Variants in MELK observed in about 807,000 individuals in gnomAD.
The protein encoded by MELK is pEg3 kinase.
In MELK, 81 loss-of-function variants were observed where a neutral mutation model predicts 85.0. That is an observed-to-expected ratio of 0.95 (90% CI 0.80 to 1.15). The LOEUF is 1.15. Ranked by LOEUF, MELK falls within the 50% of genes most tolerant of loss-of-function variation. The pLI is 0.00. For missense variants in MELK, 754 were observed against 777.5 expected, an observed-to-expected ratio of 0.97 and a Z score of 0.36; for synonymous variants, 252 against 265.0, an observed-to-expected ratio of 0.95 and a Z score of 0.48.
chr9:36,672,705 C>T (rs1832992307), intron 16 of MELK, among the ~76,000 whole-genome samples: 1 of 152,110 alleles, frequency 6.6e-6, no homozygotes, highest in Non-Finnish European at 1.5e-5. Flanking sequence ...CCCTGGCAAC[C>T]TCACACGGCT....
chr9:36,669,200 A>G, intron 14 of MELK, 110 bp from the exon 15 acceptor site: 1 of 583,272 alleles, frequency 1.7e-6, no homozygotes, highest in South Asian at 3.9e-5. Context: ...AAGTGATTAT[A>G]CTGTTTCTGA....
chr9:36,673,326 A>G (rs1833057547), intron 16 of MELK, among the ~76,000 whole-genome samples: 2 of 152,204 alleles, frequency 1.3e-5, no homozygotes, highest in African/African-American at 4.8e-5. Flanking sequence ...TGGGTGCACT[A>G]TTATTTATCT....
chr9:36,651,810 C>G lies in MELK; in HGVS notation c.986C>G (p.Pro329Arg). ...CTAGCCAAGAAGGCTCGGGGAAAAC[C>G]AGTTCGTTTAAGGCTTTCTTCTTTC... ...LLLAKKARGKPVRLRLSSFSC... is the reference protein window; with the variant it reads ...LLLAKKARGKRVRLRLSSFSC... Residue 329 changes from proline to arginine, a missense_variant, in exon 12 of 18, where the codon CCA becomes CGA. By Grantham distance (103) the Pro-to-Arg change is moderately radical (BLOSUM62 -2). Coordinates refer to ENST00000298048, the MANE Select transcript of MELK (RefSeq NM_014791.4). 6.2e-7 allele frequency: 1 copy of G among 1,614,012 alleles called. No individual in the cohort carries two copies. The highest frequency in any genetic ancestry group is 2.2e-5 in the East Asian group (1 of 44,874).
intron 1 of MELK, among the ~76,000 whole-genome samples, chr9:36,579,364 A>G (rs558279984): frequency 1.3e-5 from 2 of 152,194 alleles, no homozygotes; most frequent in East Asian, 1.9e-4. Context: ...GGGTTTTACT[A>G]TGTTGGCCAG....
rs1445852262 is a variant in MELK, at chr9:36,654,317, GCCTGAGACATTTT to G, written c.1053+2452_1053+2464del. ...AAATTTACGACACCTCAGTTAAGGG[GCCTGAGACATTTT>G]CCTGAGACATTGGATTGTCTTTTTT... is the stretch of plus-strand genomic sequence containing the variant. On this transcript the variant is annotated intron_variant, in intron 12 of 17. Coordinates refer to ENST00000298048, the MANE Select transcript of MELK (RefSeq NM_014791.4). 3.1e-4 allele frequency among the ~76,000 whole-genome samples: 46 copies of G among 149,176 alleles called. No individual in the cohort carries two copies. The East Asian group carries it at 7.1e-3, about 23-fold the overall frequency.
At chr9:36,664,976 A>T (rs1201649457) in intron 13 of MELK, among the ~76,000 whole-genome samples, 1 of 152,168 alleles carries the variant, frequency 6.6e-6, no homozygotes, top group Non-Finnish European at 1.5e-5. Context: ...GTAGTTTAAC[A>T]TGTTTTTTCT....
At chr9:36,660,438 C>T (rs1188802543) in intron 13 of MELK, among the ~76,000 whole-genome samples, 7 of 152,098 alleles carry the variant, frequency 4.6e-5, no homozygotes, top group Admixed American at 6.5e-5. Context: ...TTGCCTCAGC[C>T]TCCCGAGTAT....
chr9:36,605,965 A>AG (rs1046942336), intron 7 of MELK, among the ~76,000 whole-genome samples: 8 of 151,886 alleles, frequency 5.3e-5, no homozygotes, highest in African/African-American at 1.9e-4. Context: ...AAAAAAAAAA[A>AG]AAAAAATTTC....
intron 8 of MELK, among the ~76,000 whole-genome samples, chr9:36,615,558 T>C (rs1446916478): frequency 3.2e-5 from 4 of 125,934 alleles, no homozygotes; most frequent in Admixed American, 7.3e-5. Context: ...ACTTCCCAGA[T>C]GGGGTGGCTG....
rs1476238057 is a variant in MELK at position 36,669,551 on chromosome 9, T to A, written c.1505+145T>A. The A allele has an allele frequency of 5.3e-6, 3 of 562,360 alleles. No individual in the cohort carries two copies. In the East Asian group the frequency reaches 1.0e-4, roughly 19 times the overall value. The allele number at this position is 562,360 out of a possible 1,614,324, so 34.8% of individuals were successfully genotyped here. Reference sequence around the variant, plus strand: ...TATCTGTTTATGTGTGGATGACCTGTGGCCATTCCTGGACCTGTAGCCACT... The same window carrying A: ...TATCTGTTTATGTGTGGATGACCTGAGGCCATTCCTGGACCTGTAGCCACT... On this transcript the variant is annotated intron_variant, in intron 15 of 17. Transcript: ENST00000298048.
intron 13 of MELK, among the ~76,000 whole-genome samples, chr9:36,663,163 C>T (rs1391565857): frequency 1.3e-5 from 2 of 151,942 alleles, no homozygotes; most frequent in Non-Finnish European, 1.5e-5. Context: ...TTACTGCAAC[C>T]TCTGCTTCCC....
chr9:36,607,882 TC>T (rs1206620632), intron 8 of MELK, among the ~76,000 whole-genome samples: 4 of 152,194 alleles, frequency 2.6e-5, no homozygotes, highest in Non-Finnish European at 4.4e-5. Flanking sequence ...TACAGTAGTT[TC>T]CCCTTGTCAG....
At chr9:36,615,676 G>A (rs1220096445) in intron 8 of MELK, among the ~76,000 whole-genome samples, 2 of 141,262 alleles carry the variant, frequency 1.4e-5, no homozygotes, top group African/African-American at 2.8e-5. Flanking sequence ...CCTCCCAGAC[G>A]GGGTCTCGGC....
At chr9:36,627,211 C>A (rs1828028226) in intron 8 of MELK, among the ~76,000 whole-genome samples, 1 of 152,100 alleles carries the variant, frequency 6.6e-6, no homozygotes, top group South Asian at 2.1e-4. Flanking sequence ...CTTACAGAAT[C>A]AGTCCACCTT....
chr9:36,669,099 G>A (rs1460753894), intron 14 of MELK, among the ~76,000 whole-genome samples: 1 of 152,088 alleles, frequency 6.6e-6, no homozygotes, highest in Non-Finnish European at 1.5e-5. Context: ...AAAAAGAAGA[G>A]CCACACATAC....
At chr9:36,663,702 G>A (rs1832075446) in intron 13 of MELK, among the ~76,000 whole-genome samples, 1 of 152,138 alleles carries the variant, frequency 6.6e-6, no homozygotes, top group Non-Finnish European at 1.5e-5. Context: ...GCAAAAGATA[G>A]GATTTCATTC....
chr9:36,661,922 G>A (rs1230153426), intron 13 of MELK, among the ~76,000 whole-genome samples: 12 of 147,832 alleles, frequency 8.1e-5, no homozygotes, highest in Admixed American at 3.4e-4. Context: ...AGGTGACAGA[G>A]CGAGACTCCG....
At chr9:36,629,843 G>GTTTTTT (rs11298711) in intron 8 of MELK, among the ~76,000 whole-genome samples, 51 of 111,454 alleles carry the variant, frequency 4.6e-4, no homozygotes, top group East Asian at 8.1e-4. Context: ...GCAAGAAATT[G>GTTTTTT]TTTTTTTTTT....
At chr9:36,657,499 T>C in intron 13 of MELK, 136 bp downstream of exon 13, 1 of 946,858 alleles carries the variant, frequency 1.1e-6, no homozygotes. Flanking sequence ...GAGCGATAAC[T>C]GGAATACGAA....
Sources: gnomAD v4.1 joint callset for allele counts (sites outside exome capture counted in the v4.1 genomes callset) on GRCh38, gnomAD v4.1.1 for gene constraint, MANE v1.5 for transcripts, NCBI Gene and HGNC (gene_info 2026-07-23, HGNC 2026-07-21) for gene names.